CYLD: variants seen among roughly 807,000 people sequenced by gnomAD.
CYLD encodes ubiquitin carboxyl-terminal hydrolase CYLD.
Under a neutral mutation model 104.5 loss-of-function variants are expected in CYLD, and 26 were observed. The ratio of observed to expected loss-of-function variants is 0.25; its 90% CI spans 0.18 to 0.35. The LOEUF is 0.35. CYLD is among the 10% of genes least tolerant of loss of function. The probability of loss-of-function intolerance (pLI) is 1.00; values close to 1 mark genes in which losing one functional copy is unlikely to be tolerated. For missense variants in CYLD, 703 were observed against 1,136.1 expected, an observed-to-expected ratio of 0.62 and a Z score of 5.48; for synonymous variants, 385 against 399.9, an observed-to-expected ratio of 0.96 and a Z score of 0.45.
At chr16:50,758,558 G>A (rs1360265830) in intron 5 of CYLD, among the ~76,000 whole-genome samples, 3 of 152,214 alleles carry the variant, frequency 2.0e-5, no homozygotes, top group Non-Finnish European at 2.9e-5. Context: ...GAAGGAGACT[G>A]TTGTAGTTAT....
rs79206425 is a variant in CYLD, at chr16:50,750,625, G to A, written c.504+423G>A. Among the ~76,000 whole-genome samples the A allele has an allele frequency of 7.6e-3, 1,162 of 152,064 alleles. 21 individuals carry two copies. The highest frequency in any genetic ancestry group is 0.026 in the African/African-American group (1,082 of 41,492). On this transcript the variant is annotated intron_variant, in intron 3 of 18. Coordinates refer to ENST00000427738, the MANE Select transcript of CYLD (RefSeq NM_001378743.1). ...ATTGCGAAGATGTAAAGATGATGTCGAAACTTAAAAAACTATGTACTATGG... is the reference window on the plus strand; with the variant it reads ...ATTGCGAAGATGTAAAGATGATGTCAAAACTTAAAAAACTATGTACTATGG...
intron 2 of CYLD, among the ~76,000 whole-genome samples, chr16:50,744,311 T>C (rs1416072500): frequency 3.3e-5 from 5 of 152,218 alleles, no homozygotes; most frequent in Admixed American, 2.6e-4. Context: ...ACGGAATCTC[T>C]GTATCTCTAT....
chr16:50,800,424 G>A lies in CYLD; in HGVS notation c.*3916G>A, dbSNP rs1597107297. 1 of 233,256 alleles carries A rather than the reference G, an allele frequency of 4.3e-6. No individual in the cohort carries two copies. Among genetic ancestry groups the A allele is most frequent in the East Asian group, 6.0e-5 (1 of 16,678 alleles). The allele number at this position is 233,256 out of a possible 1,614,324, so 14.4% of individuals were successfully genotyped here. On this transcript the variant is annotated 3_prime_UTR_variant, in exon 19 of 19. Coordinates refer to ENST00000427738, the MANE Select transcript of CYLD (RefSeq NM_001378743.1). ...TGGGTACTTGGATGTTTATCATACT[G>A]TTTCTCTGTGTTTACATACTAATTT... is the stretch of plus-strand genomic sequence containing the variant.
intron 5 of CYLD, among the ~76,000 whole-genome samples, chr16:50,768,337 T>C (rs1968744018): frequency 6.6e-6 from 1 of 152,198 alleles, no homozygotes; most frequent in Non-Finnish European, 1.5e-5. Context: ...TCATTAGGAC[T>C]CTTTTCTTGA....
intron 15 of CYLD, 118 bp from the exon 16 acceptor site, chr16:50,792,479 A>C (rs1705419209): frequency 1.4e-6 from 1 of 701,926 alleles, no homozygotes; most frequent in Admixed American, 2.3e-5. Flanking sequence ...ATCCTGTTTC[A>C]TAGGACACCA....
intron 16 of CYLD, 150 bp from the exon 17 acceptor site, chr16:50,793,396 G>T: frequency 1.4e-6 from 1 of 736,520 alleles, no homozygotes; most frequent in East Asian, 2.5e-5. Context: ...AATACTAACT[G>T]AGAGCTTAAG....
intron 2 of CYLD, among the ~76,000 whole-genome samples, chr16:50,748,004 G>A (rs1966334400): frequency 6.6e-6 from 1 of 152,222 alleles, no homozygotes; most frequent in Non-Finnish European, 1.5e-5. Context: ...TCTAAAAGAA[G>A]TGTTCCACTG....
intron 3 of CYLD, among the ~76,000 whole-genome samples, chr16:50,750,463 C>T (rs1966526029): frequency 6.6e-6 from 1 of 152,094 alleles, no homozygotes; most frequent in African/African-American, 2.4e-5. Flanking sequence ...GACCCAAGAA[C>T]TCTGTGATAT....
chr16:50,798,732 T>C lies in CYLD; in HGVS notation c.*2224T>C, dbSNP rs1972249511. The C allele has an allele frequency of 4.3e-6, 1 of 233,250 alleles. No individual in the cohort carries two copies. The highest frequency in any genetic ancestry group is 6.0e-5 in the East Asian group (1 of 16,744). 14.4% of individuals were successfully genotyped at this position (233,250 alleles called of 1,614,324 possible). Reference sequence around the variant, plus strand: ...CATGGTAGAGAACTTGAAGAAGACCTGTTTGGATGGACACCTGGTTTCAAA... The same window carrying C: ...CATGGTAGAGAACTTGAAGAAGACCCGTTTGGATGGACACCTGGTTTCAAA... On this transcript the variant is annotated 3_prime_UTR_variant, in exon 19 of 19. Transcript: ENST00000427738.
chr16:50,764,794 G>A (rs1189796809), intron 5 of CYLD, among the ~76,000 whole-genome samples: 2 of 152,076 alleles, frequency 1.3e-5, no homozygotes, highest in Non-Finnish European at 2.9e-5. Flanking sequence ...AATGCATGGA[G>A]ACCAGTGATG....
chr16:50,785,685 T>C (rs934861240), intron 12 of CYLD: 12 of 152,200 alleles, frequency 7.9e-5, no homozygotes, highest in African/African-American at 2.4e-5. Context: ...AATCACACTT[T>C]CTTACCCTGT....
At position 50,749,934 on chromosome 16, in the gene CYLD, A is replaced by G; in HGVS notation, c.236A>G (p.His79Arg). 1 of 1,614,130 alleles carries G rather than the reference A, an allele frequency of 6.2e-7. No homozygotes were observed. Among genetic ancestry groups the G allele is most frequent in the Non-Finnish European group, 8.5e-7 (1 of 1,180,010 alleles). Reference sequence around the variant, plus strand: ...GGATTAAAAATTCTAGAGCAACCTCATGCAGTTCTCTTTGTTGATGAAAAG... The same window carrying G: ...GGATTAAAAATTCTAGAGCAACCTCGTGCAGTTCTCTTTGTTGATGAAAAG... ...QIGLKILEQP[H>R]AVLFVDEKDV... Residue 79 changes from histidine (H) to arginine (R), a missense_variant, in exon 3 of 19, where the codon CAT becomes CGT. This residue lies in a region of CYLD where 142 missense variants were observed against 165.1 expected (regional missense o/e 0.86). Coordinates refer to ENST00000427738, the MANE Select transcript of CYLD (RefSeq NM_001378743.1).
chr16:50,756,025 G>A (rs986844893), intron 5 of CYLD, among the ~76,000 whole-genome samples: 17 of 151,992 alleles, frequency 1.1e-4, no homozygotes, highest in African/African-American at 3.9e-4. Context: ...CCCTCTATAA[G>A]GCAAGCTTTC....
At chr16:50,795,740 T>C (rs1971976277) in intron 18 of CYLD, 1 of 613,944 alleles carries the variant, frequency 1.6e-6, no homozygotes, top group South Asian at 1.9e-5. Flanking sequence ...AGTTAACATT[T>C]GCACTAAACA....
intron 11 of CYLD, 63 bp from the exon 12 acceptor site, chr16:50,784,266 A>T (rs1970583983): frequency 6.4e-7 from 1 of 1,550,856 alleles, no homozygotes; most frequent in Non-Finnish European, 8.9e-7. Flanking sequence ...TAATTCTGTT[A>T]AAAATCTGTT....
chr16:50,761,716 T>C (rs1967943519), intron 5 of CYLD, among the ~76,000 whole-genome samples: 1 of 139,914 alleles, frequency 7.1e-6, no homozygotes, highest in East Asian at 2.3e-4. Context: ...TGTTTTCTTC[T>C]AGTACTCTGT....
Position 50,782,321 on chromosome 16 carries a change from T to G in CYLD, c.1685-4T>G, listed in dbSNP as rs1291964700. 6.3e-7 allele frequency: 1 copy of G among 1,593,516 alleles called. No homozygotes were observed. The highest frequency in any genetic ancestry group is 1.7e-5 in the Admixed American group (1 of 57,940). On this transcript the variant is annotated splice_region_variant and splice_polypyrimidine_tract_variant and intron_variant, in intron 10 of 18. Coordinates refer to ENST00000427738, the MANE Select transcript of CYLD (RefSeq NM_001378743.1). Reference sequence around the variant, plus strand: ...ATTTACTTTTTTTAAAAAAATCTTTTCAGCATTTGGAGGCTACTTAAGTGA... The same window carrying G: ...ATTTACTTTTTTTAAAAAAATCTTTGCAGCATTTGGAGGCTACTTAAGTGA...
intron 14 of CYLD, 92 bp from the exon 15 acceptor site, chr16:50,791,466 T>C: frequency 7.2e-7 from 1 of 1,391,588 alleles, no homozygotes; most frequent in East Asian, 2.3e-5. Flanking sequence ...TTATGGTTTT[T>C]CTGTTCTCAA....
At chr16:50,788,673 GATA>G in intron 14 of CYLD, among the ~76,000 whole-genome samples, 1 of 152,222 alleles carries the variant, frequency 6.6e-6, no homozygotes, top group Middle Eastern at 3.4e-3. Flanking sequence ...GTTCAAAGAT[GATA>G]ATAGCCATAT....
Sources: allele counts gnomAD v4.1 joint callset (sites outside exome capture counted in the v4.1 genomes callset), GRCh38; gene constraint gnomAD v4.1.1; regional missense constraint gnomAD v4.1.1; transcripts MANE v1.5; gene names NCBI Gene and HGNC (gene_info 2026-07-23, HGNC 2026-07-21).